The following TSPAN9 variants were observed in gnomAD, a reference collection of about 807,000 sequenced individuals.
TSPAN9 encodes tetraspanin 9.
A neutral mutation model predicts 31.0 loss-of-function variants in TSPAN9; 16 were observed. That is an observed-to-expected ratio of 0.52 (90% confidence interval 0.35 to 0.78). The LOEUF (loss-of-function observed/expected upper bound fraction) is 0.78, where lower values mean the gene tolerates loss of function less well. Among genes scored for constraint, TSPAN9 ranks in the 30% least tolerant of loss-of-function variants. TSPAN9 has a pLI of 0.01. For synonymous variants in TSPAN9, 145 were observed against 121.6 expected (o/e 1.19, Z -1.27); for missense variants, 272 against 312.5 (o/e 0.87, Z 0.98).
intron 3 of TSPAN9, among the ~76,000 whole-genome samples, chr12:3,271,238 G>A (rs1677558429): frequency 6.6e-6 from 1 of 152,212 alleles, no homozygotes. Context: ...CAACAGTAAT[G>A]ACCAAGGAAT....
Position 3,147,196 on chromosome 12 carries a change from C to T in TSPAN9, c.-17-53981C>T, listed in dbSNP as rs775834033. 3.3e-5 allele frequency among the ~76,000 whole-genome samples: 5 copies of T among 152,102 alleles called. No homozygotes were observed. Among genetic ancestry groups the T allele is most frequent in the Admixed American group, 6.5e-5 (1 of 15,284 alleles). ...GGGAGCCCTGGCCCTCTGCAGGTCA[C>T]GCTCCAGCCTGGAACCCAGGTGAGG... On this transcript the variant is annotated intron_variant, in intron 2 of 8. Transcript: ENST00000011898. The surrounding 1 kb of genome is among the most constrained non-coding windows in gnomAD (Gnocchi z 4.3).
At chr12:3,243,228 C>T (rs563072415) in intron 3 of TSPAN9, among the ~76,000 whole-genome samples, 7 of 152,304 alleles carry the variant, frequency 4.6e-5, no homozygotes, top group African/African-American at 7.2e-5. Flanking sequence ...TTCCCCATCT[C>T]GTTGTCTGCT....
At chr12:3,254,368 G>A (rs78334016) in intron 3 of TSPAN9, among the ~76,000 whole-genome samples, 1,842 of 152,356 alleles carry the variant, frequency 0.012, 21 homozygotes, top group South Asian at 0.035. Flanking sequence ...CATTCTAGAG[G>A]TGAGAAGCGA....
chr12:3,089,485 C>T (rs549094659), intron 2 of TSPAN9, among the ~76,000 whole-genome samples: 51 of 151,482 alleles, frequency 3.4e-4, no homozygotes, highest in East Asian at 3.2e-3. Flanking sequence ...TTAGTAGAGA[C>T]GGGGTTTTAC....
At position 3,284,241 on chromosome 12, in the gene TSPAN9, C is replaced by T; in HGVS notation, c.*1125C>T. 1 of 152,820 alleles carries T rather than the reference C, an allele frequency of 6.5e-6. No homozygotes were observed. Among genetic ancestry groups the T allele is most frequent in the Non-Finnish European group, 1.5e-5 (1 of 68,078 alleles). 9.5% of individuals were successfully genotyped at this position (152,820 alleles called of 1,614,324 possible). ...GACAAATACCTCTCTAGTTCGGATG[C>T]TGCTCACTTTCCCCCTTGCTTCTGG... On this transcript the variant is annotated 3_prime_UTR_variant, in exon 9 of 9. Transcript: ENST00000011898.
At chr12:3,127,417 G>A (rs541714944) in intron 2 of TSPAN9, among the ~76,000 whole-genome samples, 71 of 151,798 alleles carry the variant, frequency 4.7e-4, no homozygotes, top group African/African-American at 1.5e-3. Context: ...GTGCAGGGGC[G>A]CAATCTCGGC....
At chr12:3,165,698 T>G (rs1465659943) in intron 2 of TSPAN9, among the ~76,000 whole-genome samples, 1 of 151,960 alleles carries the variant, frequency 6.6e-6, no homozygotes, top group Non-Finnish European at 1.5e-5. Flanking sequence ...AGGCCGCGAG[T>G]GAGCTGTAGG....
intron 2 of TSPAN9, among the ~76,000 whole-genome samples, chr12:3,145,631 C>T (rs2098336807): frequency 6.6e-6 from 1 of 152,270 alleles, no homozygotes; most frequent in South Asian, 2.1e-4. Flanking sequence ...AGAACAGGGA[C>T]CAGGTGTCCA....
intron 3 of TSPAN9, among the ~76,000 whole-genome samples, chr12:3,229,208 G>C (rs2098389405): frequency 6.6e-6 from 1 of 152,178 alleles, no homozygotes; most frequent in Admixed American, 6.5e-5. Flanking sequence ...GACAGGGGTT[G>C]GGGGGTTGGT....
chr12:3,106,866 G>C (rs2098314963), intron 2 of TSPAN9, among the ~76,000 whole-genome samples: 1 of 152,198 alleles, frequency 6.6e-6, no homozygotes, highest in Non-Finnish European at 1.5e-5. Flanking sequence ...TCAAGCTCAG[G>C]CTGACTGTCT....
At chr12:3,220,221 A>G (rs1440353860) in intron 3 of TSPAN9, among the ~76,000 whole-genome samples, 3 of 151,718 alleles carry the variant, frequency 2.0e-5, no homozygotes, top group African/African-American at 7.3e-5. Context: ...AACAGCTACC[A>G]TTTCTGAAGC....
intron 2 of TSPAN9, among the ~76,000 whole-genome samples, chr12:3,150,588 C>G (rs980824164): frequency 1.3e-5 from 2 of 152,168 alleles, no homozygotes; most frequent in African/African-American, 4.8e-5. Flanking sequence ...ATGCTAGGTG[C>G]TCAATGAATG....
chr12:3,096,489 GTT>G (rs1356010773), intron 2 of TSPAN9, among the ~76,000 whole-genome samples: 6 of 151,918 alleles, frequency 3.9e-5, no homozygotes, highest in Non-Finnish European at 8.8e-5. Flanking sequence ...TGCTTTCCCT[GTT>G]TTCTCATTGC....
intron 3 of TSPAN9, among the ~76,000 whole-genome samples, chr12:3,202,498 C>G (rs557271079): frequency 3.3e-5 from 5 of 152,342 alleles, no homozygotes; most frequent in African/African-American, 9.6e-5. Context: ...AGACTGGGCT[C>G]TAGTCTTGGT....
chr12:3,166,101 G>T (rs1000449192), intron 2 of TSPAN9, among the ~76,000 whole-genome samples: 2 of 152,190 alleles, frequency 1.3e-5, no homozygotes, highest in East Asian at 3.9e-4. Context: ...TAATAGTTTG[G>T]CATTCATGAC....
intron 8 of TSPAN9, 24 bp from the exon 9 acceptor site, chr12:3,283,021 C>T (rs1416931544): frequency 1.2e-6 from 2 of 1,605,518 alleles, no homozygotes; most frequent in African/African-American, 1.3e-5. Context: ...GCTCCTGCCT[C>T]AGGCCCCTCC....
At chr12:3,112,168 G>A (rs1019939824) in intron 2 of TSPAN9, among the ~76,000 whole-genome samples, 1 of 135,086 alleles carries the variant, frequency 7.4e-6, no homozygotes, top group African/African-American at 2.8e-5. Flanking sequence ...GGTATCAATT[G>A]TAATGTTCCT....
At chr12:3,132,513 G>A (rs892191095) in intron 2 of TSPAN9, among the ~76,000 whole-genome samples, 1 of 151,352 alleles carries the variant, frequency 6.6e-6, no homozygotes, top group Non-Finnish European at 1.5e-5. Flanking sequence ...ATTCCCTGAT[G>A]GACCATGACA....
At position 3,140,102 on chromosome 12, in the gene TSPAN9, C is replaced by T. The variant is rs375186765; in HGVS notation, c.-18+56383C>T. Among the ~76,000 whole-genome samples, 86 of 152,108 alleles carry T rather than the reference C, an allele frequency of 5.7e-4. No homozygotes were observed. The South Asian group carries it at 8.3e-3, about 15-fold the overall frequency. ...ATCTCAGGGCAGCCACCAGGACAGT[C>T]GGGTGCAAGTAATCATCAGATTACT... On this transcript the variant is annotated intron_variant, in intron 2 of 8. Transcript: ENST00000011898.
Sources: allele counts gnomAD v4.1 joint callset (sites outside exome capture counted in the v4.1 genomes callset), GRCh38; gene constraint gnomAD v4.1.1; non-coding constraint Gnocchi (gnomAD v3.1); transcripts MANE v1.5; gene names NCBI Gene and HGNC (gene_info 2026-07-23, HGNC 2026-07-21).